WDR76: variants seen among roughly 807,000 people sequenced by gnomAD.
WDR76 encodes the protein WD repeat-containing protein 76.
Under a neutral mutation model 70.2 loss-of-function variants are expected in WDR76, and 52 were observed. That is an observed-to-expected ratio of 0.74 (90% CI 0.59 to 0.93). WDR76 has a LOEUF of 0.93. Among genes scored for constraint, WDR76 ranks in the 40% least tolerant of loss-of-function variants. The probability of loss-of-function intolerance (pLI) is 0.00; values close to 1 mark genes in which losing one functional copy is unlikely to be tolerated. For synonymous variants in WDR76, 292 were observed against 271.1 expected, an observed-to-expected ratio of 1.08 and a Z score of -0.76; for missense variants, 756 against 760.2, an observed-to-expected ratio of 0.99 and a Z score of 0.07.
Position 43,839,435 on chromosome 15 carries a change from G to T in WDR76, c.609-170G>T, listed in dbSNP as rs998431714. On this transcript the variant is annotated intron_variant, in intron 4 of 12. Coordinates refer to ENST00000263795, the MANE Select transcript of WDR76 (RefSeq NM_024908.4). Reference sequence around the variant, plus strand: ...TCACCTCTTTTTGATGAACATTTAGGTTTGTTTTTTCCATACTTCTTATTA... The same window carrying T: ...TCACCTCTTTTTGATGAACATTTAGTTTTGTTTTTTCCATACTTCTTATTA... Among the ~76,000 whole-genome samples the T allele has an allele frequency of 3.9e-5, 6 of 152,008 alleles. 1 individual carries two copies. The highest frequency in any genetic ancestry group is 5.9e-5 in the Non-Finnish European group (4 of 67,996).
chr15:43,856,831 G>A, intron 9 of WDR76, 115 bp from the exon 10 acceptor site: 1 of 853,658 alleles, frequency 1.2e-6, no homozygotes, highest in Non-Finnish European at 1.8e-6. Flanking sequence ...ATGATGAGAG[G>A]ATAAATGAGG....
Position 43,867,794 on chromosome 15 carries a change from T to C in WDR76, c.*1402T>C, listed in dbSNP as rs1240258215. 6.6e-6 allele frequency: 1 copy of C among 152,196 alleles called. No homozygotes were observed. The highest frequency in any genetic ancestry group is 2.4e-5 in the African/African-American group (1 of 41,464). 9.4% of individuals were successfully genotyped at this position (152,196 alleles called of 1,614,324 possible). The stretch of plus-strand genomic sequence containing the variant: ...GAAAATGTTTTCTTTTCAGAAGTTA[T>C]GGTAATTTCAATGTGTTTGTTGTTG... On this transcript the variant is annotated 3_prime_UTR_variant, in exon 13 of 13. Coordinates refer to ENST00000263795, the MANE Select transcript of WDR76 (RefSeq NM_024908.4).
Position 43,851,291 on chromosome 15 carries a change from A to G in WDR76, c.1191+46A>G, listed in dbSNP as rs373538148. ...ATGCTGACTTCAGATGATATTCTAG[A>G]TTCTTCGAAATGCCACATGAATAAT... On this transcript the variant is annotated intron_variant, in intron 9 of 12. Coordinates refer to ENST00000263795, the MANE Select transcript of WDR76 (RefSeq NM_024908.4). 35 of 1,592,810 alleles carry G rather than the reference A, an allele frequency of 2.2e-5. No homozygotes were observed. The Middle Eastern group carries it at 5.0e-4, about 23-fold the overall frequency.
chr15:43,848,913 G>A (rs970356024), intron 8 of WDR76, among the ~76,000 whole-genome samples: 4 of 151,782 alleles, frequency 2.6e-5, no homozygotes, highest in Non-Finnish European at 5.9e-5. Context: ...ACTCCAGCCT[G>A]GGCGACAGAG....
chr15:43,837,877 CTTTTT>C (rs11340939), intron 4 of WDR76, among the ~76,000 whole-genome samples: 2 of 102,744 alleles, frequency 1.9e-5, no homozygotes, highest in Admixed American at 1.0e-4. Flanking sequence ...TTATTTATTG[CTTTTT>C]TTTTTTTTTT....
At chr15:43,832,927 G>C (rs1230974429) in intron 2 of WDR76, among the ~76,000 whole-genome samples, 2 of 151,108 alleles carry the variant, frequency 1.3e-5, no homozygotes, top group African/African-American at 4.9e-5. Flanking sequence ...TAGTTTTTTT[G>C]TATTTTTAGT....
rs766811074 is a variant in WDR76 at position 43,866,244 on chromosome 15, A to G, written c.1733A>G (p.His578Arg). The G allele has an allele frequency of 6.2e-7, 1 of 1,614,202 alleles. No homozygotes were observed. The highest frequency in any genetic ancestry group is 8.5e-7 in the Non-Finnish European group (1 of 1,180,034). ...MAHPRRVEIF[H>R]ETGKRVHSFG... ...CATCCACGACGGGTAGAAATCTTCC[A>G]TGAGACAGGAAAGAGGGTGCATTCG... Residue 578 changes from histidine (H) to arginine (R), a missense_variant, in exon 13 of 13, where the codon CAT (histidine) becomes CGT (arginine). By Grantham distance (29) the His-to-Arg change is conservative. Coordinates refer to ENST00000263795, the MANE Select transcript of WDR76 (RefSeq NM_024908.4).
chr15:43,852,925 G>T (rs114216413), intron 9 of WDR76, among the ~76,000 whole-genome samples: 2,746 of 152,224 alleles, frequency 0.018, 75 homozygotes, highest in African/African-American at 0.063. Context: ...TCTCGCTCTT[G>T]TTGCCCAGGC....
chr15:43,846,140 G>T (rs1046457057), intron 8 of WDR76, among the ~76,000 whole-genome samples: 3 of 149,824 alleles, frequency 2.0e-5, no homozygotes, highest in Non-Finnish European at 4.5e-5. Context: ...ATGGAGAAAA[G>T]GCCATTGATT....
chr15:43,865,421 C>T (rs1425796972), intron 12 of WDR76, among the ~76,000 whole-genome samples: 3 of 152,314 alleles, frequency 2.0e-5, no homozygotes, highest in South Asian at 2.1e-4. Flanking sequence ...TACAGGCACC[C>T]GCCACCATGG....
Position 43,827,959 on chromosome 15 carries a change from G to T in WDR76, c.61-6G>T. 1.3e-6 allele frequency: 2 copies of T among 1,598,506 alleles called. No homozygotes were observed. Among genetic ancestry groups the T allele is most frequent in the South Asian group, 2.3e-5 (2 of 87,726 alleles). ...ATATTCTGTTTTCTTTTATTGATCT[G>T]AATAGGTAAATGAATATAAAGAAAA... On this transcript the variant is annotated splice_polypyrimidine_tract_variant and splice_region_variant and intron_variant, in intron 1 of 12. Transcript: ENST00000263795.
intron 12 of WDR76, among the ~76,000 whole-genome samples, chr15:43,862,391 C>T (rs1206234075): frequency 1.4e-5 from 2 of 143,284 alleles, no homozygotes; most frequent in African/African-American, 2.6e-5. Context: ...GATCTTGGCT[C>T]ACTGCAGCCT....
chr15:43,839,332 A>G (rs2087694073), intron 4 of WDR76, among the ~76,000 whole-genome samples: 1 of 152,216 alleles, frequency 6.6e-6, no homozygotes, highest in African/African-American at 2.4e-5. Context: ...TCCTTTCAGC[A>G]GTGCATAAAG....
intron 11 of WDR76, 146 bp from the exon 12 acceptor site, chr15:43,861,187 C>G: frequency 1.4e-6 from 1 of 726,850 alleles, no homozygotes; most frequent in Non-Finnish European, 2.3e-6. Flanking sequence ...GCATGGGCCT[C>G]TAAACCCGGC....
At position 43,868,071 on chromosome 15, in the gene WDR76, T is replaced by G. The variant is rs560834086; in HGVS notation, c.*1679T>G. The stretch of plus-strand genomic sequence containing the variant: ...TAAAAAGGTTTAGTTTTTTAATAGG[T>G]TTAGGTGTTTATAAGCAATAGTTCT... On this transcript the variant is annotated 3_prime_UTR_variant, in exon 13 of 13. Transcript: ENST00000263795. 40 of 152,302 alleles carry G rather than the reference T, an allele frequency of 2.6e-4. No individual in the cohort carries two copies. Among genetic ancestry groups the G allele is most frequent in the African/African-American group, 9.4e-4 (39 of 41,576 alleles). 9.4% of individuals were successfully genotyped at this position (152,302 alleles called of 1,614,324 possible). A position where few individuals can be genotyped will look rare whatever the true frequency, so the allele number is the denominator to read the frequency against.
At chr15:43,835,296 C>T in intron 3 of WDR76, 146 bp downstream of exon 3, 3 of 416,892 alleles carry the variant, frequency 7.2e-6, no homozygotes, top group Non-Finnish European at 3.8e-6. Flanking sequence ...CGGAGACCCG[C>T]CCCCCGCCCC....
intron 10 of WDR76, among the ~76,000 whole-genome samples, chr15:43,857,932 AAATT>A (rs1237324608): frequency 6.7e-6 from 1 of 148,604 alleles, no homozygotes; most frequent in Non-Finnish European, 1.5e-5. Flanking sequence ...AGTTTTGGGG[AAATT>A]AATAAGAGTA....
At position 43,829,499 on chromosome 15, in the gene WDR76, C is replaced by CTTT. The variant is rs34835269; in HGVS notation, c.462+1157_462+1159dup. 5.0e-4 allele frequency among the ~76,000 whole-genome samples: 29 copies of CTTT among 57,996 alleles called. 1 individual carries two copies. Among genetic ancestry groups the CTTT allele is most frequent in the African/African-American group, 9.6e-4 (17 of 17,676 alleles). The allele number at this position is 57,996 out of a possible 152,430, so 38.0% of individuals were successfully genotyped here. A position where few individuals can be genotyped will look rare whatever the true frequency, so the allele number is the denominator to read the frequency against. On this transcript the variant is annotated intron_variant, in intron 2 of 12. Transcript: ENST00000263795. ...TGGGGTTGAGAGCCTAGCATGGCCA[C>CTTT]TTTTTTTTTTTTTTTTTTTTTTTTT...
intron 2 of WDR76, among the ~76,000 whole-genome samples, chr15:43,833,764 G>A (rs1349538534): frequency 2.0e-5 from 3 of 151,980 alleles, no homozygotes; most frequent in East Asian, 1.9e-4. Context: ...AGCCTCCCGA[G>A]TAGCTGGGAC....
Sources: allele counts gnomAD v4.1 joint callset (sites outside exome capture counted in the v4.1 genomes callset), GRCh38; gene constraint gnomAD v4.1.1; transcripts MANE v1.5; gene names NCBI Gene and HGNC (gene_info 2026-07-23, HGNC 2026-07-21).